Variants in SLC7A9 observed in about 807,000 individuals in gnomAD.
The protein encoded by SLC7A9 is B(0,+)-type amino acid transporter 1.
A neutral mutation model predicts 54.1 loss-of-function variants in SLC7A9; 38 were observed. That is an observed-to-expected ratio of 0.70 (90% CI 0.54 to 0.92). The LOEUF is 0.92. Among genes scored for constraint, SLC7A9 ranks in the 40% least tolerant of loss-of-function variants. The pLI is 0.00. For synonymous variants in SLC7A9, 264 were observed against 258.9 expected (o/e 1.02, Z -0.19); for missense variants, 537 against 636.1 (o/e 0.84, Z 1.68).
At chr19:32,867,666 C>T (rs932738071) in intron 2 of SLC7A9, among the ~76,000 whole-genome samples, 1 of 151,692 alleles carries the variant, frequency 6.6e-6, no homozygotes, top group Non-Finnish European at 1.5e-5. Flanking sequence ...ATATGCGGGC[C>T]GGGCAAGTTG....
intron 2 of SLC7A9, among the ~76,000 whole-genome samples, chr19:32,868,036 G>T (rs1322223795): frequency 6.6e-6 from 1 of 151,256 alleles, no homozygotes; most frequent in African/African-American, 2.4e-5. Flanking sequence ...TCTGAGACCA[G>T]CCTGGCCAAC....
intron 7 of SLC7A9, 121 bp downstream of exon 7, chr19:32,860,485 A>G (rs80291674): frequency 6.5e-7 from 1 of 1,531,200 alleles, no homozygotes; most frequent in Non-Finnish European, 8.7e-7. Flanking sequence ...AAAAAAAAAA[A>G]GAAATAATTC....
At chr19:32,848,819 A>G (rs755366891) in intron 9 of SLC7A9, among the ~76,000 whole-genome samples, 17 of 152,250 alleles carry the variant, frequency 1.1e-4, no homozygotes, top group Non-Finnish European at 2.2e-4. Context: ...AAGGACAGAA[A>G]TTATAACAAA....
intron 11 of SLC7A9, among the ~76,000 whole-genome samples, chr19:32,835,702 A>ATTAGTTCC (rs1324723122): frequency 6.6e-6 from 1 of 151,966 alleles, no homozygotes; most frequent in Non-Finnish European, 1.5e-5. Flanking sequence ...TTTTCTGCTT[A>ATTAGTTCC]TTAGTTCCTT....
At chr19:32,832,109 C>A (rs1379762684) in intron 12 of SLC7A9, among the ~76,000 whole-genome samples, 1 of 147,724 alleles carries the variant, frequency 6.8e-6, no homozygotes, top group Admixed American at 6.7e-5. Flanking sequence ...AACCCCGACT[C>A]TACTAAAAAT....
intron 9 of SLC7A9, among the ~76,000 whole-genome samples, chr19:32,849,244 G>A (rs1169847289): frequency 5.3e-5 from 8 of 152,122 alleles, no homozygotes; most frequent in Non-Finnish European, 1.0e-4. Context: ...ATGAATCCAG[G>A]AGCTGGTTTT....
At chr19:32,862,752 A>G (rs1968844200) in intron 4 of SLC7A9, 166 bp from the exon 5 acceptor site, 1 of 538,612 alleles carries the variant, frequency 1.9e-6, no homozygotes, top group Non-Finnish European at 2.8e-6. Context: ...GATCTCAGCA[A>G]TCTTTGCCTC....
chr19:32,863,775 G>A (rs181625681), intron 4 of SLC7A9, among the ~76,000 whole-genome samples: 176 of 152,352 alleles, frequency 1.2e-3, no homozygotes, highest in African/African-American at 4.0e-3. Context: ...TAGCCGGGCT[G>A]CCTCAGATGG....
At chr19:32,845,458 G>A (rs796885126) in intron 9 of SLC7A9, among the ~76,000 whole-genome samples, 3 of 152,170 alleles carry the variant, frequency 2.0e-5, no homozygotes, top group African/African-American at 7.2e-5. Context: ...TCTCACCATT[G>A]CACTCCAGAC....
Position 32,868,621 on chromosome 19 carries a change from G to T in SLC7A9, c.-87C>A. On this transcript the variant is annotated 5_prime_UTR_variant, in exon 2 of 13. Coordinates refer to ENST00000023064, the MANE Select transcript of SLC7A9 (RefSeq NM_014270.5). The stretch of plus-strand genomic sequence containing the variant: ...AGCAGCAGACAAGACGCAAGTGCAA[G>T]CTCGGCCTGGACTAGGGGAGCTGGC... 2.7e-6 allele frequency: 3 copies of T among 1,126,134 alleles called. No homozygotes were observed. The highest frequency in any genetic ancestry group is 1.9e-4 in the Middle Eastern group (1 of 5,182). The allele number at this position is 1,126,134 out of a possible 1,614,324, so 69.8% of individuals were successfully genotyped here. A position where few individuals can be genotyped will look rare whatever the true frequency, so the allele number is the denominator to read the frequency against.
chr19:32,861,266 C>T (rs1018896844), intron 6 of SLC7A9, among the ~76,000 whole-genome samples: 1 of 146,416 alleles, frequency 6.8e-6, no homozygotes, highest in African/African-American at 2.5e-5. Context: ...GGGATTCAAG[C>T]AATTGCAGTG....
intron 9 of SLC7A9, among the ~76,000 whole-genome samples, chr19:32,852,138 A>G (rs1291094020): frequency 3.3e-5 from 5 of 152,036 alleles, no homozygotes; most frequent in African/African-American, 1.2e-4. Flanking sequence ...AAACCTGCAC[A>G]TTGTGCACAT....
chr19:32,849,900 C>G (rs1443203170), intron 9 of SLC7A9, among the ~76,000 whole-genome samples: 1 of 151,974 alleles, frequency 6.6e-6, no homozygotes, highest in African/African-American at 2.4e-5. Context: ...TAAATGTAAT[C>G]CAGCATATAA....
chr19:32,864,962 G>A (rs1475459275), intron 2 of SLC7A9, among the ~76,000 whole-genome samples, 186 bp from the exon 3 acceptor site: 2 of 152,212 alleles, frequency 1.3e-5, no homozygotes, highest in African/African-American at 2.4e-5. Flanking sequence ...TTATGTTAAC[G>A]TGATTAATTA....
At chr19:32,838,981 A>G (rs1376401041) in intron 11 of SLC7A9, among the ~76,000 whole-genome samples, 1 of 152,110 alleles carries the variant, frequency 6.6e-6, no homozygotes, top group Non-Finnish European at 1.5e-5. Context: ...TATAATAAGC[A>G]ATAATGAAGT....
intron 9 of SLC7A9, among the ~76,000 whole-genome samples, chr19:32,846,323 ACTG>A (rs1968292396): frequency 6.6e-6 from 1 of 152,194 alleles, no homozygotes; most frequent in South Asian, 2.1e-4. Context: ...CCACCCTAAT[ACTG>A]CGCTTTTCCA....
Position 32,864,318 on chromosome 19 carries a change from G to C in SLC7A9, c.256C>G (p.Leu86Val). 1 of 1,614,040 alleles carries C rather than the reference G, an allele frequency of 6.2e-7. No homozygotes were observed. The highest frequency in any genetic ancestry group is 1.3e-5 in the African/African-American group (1 of 75,052). The stretch of plus-strand genomic sequence containing the variant: ...CCTGACTTGGTGATCATTGTGCCAA[G>C]CTCCGCAAAGCACAGGGCACCTGGA... ...ATLGALCFAE[L>V]GTMITKSGGE... Residue 86 changes from leucine to valine, a missense_variant, in exon 4 of 13, where the codon CTT becomes GTT. Physicochemically the swap from Leu to Val is conservative, Grantham distance 32. Coordinates refer to ENST00000023064, the MANE Select transcript of SLC7A9 (RefSeq NM_014270.5).
At chr19:32,847,435 A>G (rs1238301842) in intron 9 of SLC7A9, among the ~76,000 whole-genome samples, 4 of 151,798 alleles carry the variant, frequency 2.6e-5, no homozygotes, top group African/African-American at 7.2e-5. Flanking sequence ...AAACGGTATC[A>G]GTAATGGAAG....
At chr19:32,860,369 C>T (rs1968762715) in intron 7 of SLC7A9, 10 of 1,344,916 alleles carry the variant, frequency 7.4e-6, no homozygotes, top group Non-Finnish European at 8.8e-6. Flanking sequence ...CCAGCCTGGC[C>T]AACATGGCAA....
Sources: allele counts gnomAD v4.1 joint callset (sites outside exome capture counted in the v4.1 genomes callset), GRCh38; gene constraint gnomAD v4.1.1; transcripts MANE v1.5; gene names NCBI Gene and HGNC (gene_info 2026-07-23, HGNC 2026-07-21).